The following NRXN1 variants were observed in gnomAD, a reference collection of about 807,000 sequenced individuals.
NRXN1 encodes neurexin 1.
A neutral mutation model predicts 150.9 loss-of-function variants in NRXN1; 39 were observed. The observed-to-expected ratio is 0.26, with a 90% confidence interval of 0.20 to 0.34. NRXN1 has a LOEUF of 0.34. Ranked by LOEUF, NRXN1 falls within the 10% of genes least tolerant of loss-of-function variation. NRXN1 has a pLI of 1.00. For missense variants in NRXN1, 1,815 were observed against 1,949.9 expected, an observed-to-expected ratio of 0.93 and a Z score of 1.30; for synonymous variants, 924 against 757.0, an observed-to-expected ratio of 1.22 and a Z score of -3.62.
At chr2:50,513,216 C>G (rs2092519629) in intron 12 of NRXN1, among the ~76,000 whole-genome samples, 1 of 152,090 alleles carries the variant, frequency 6.6e-6, no homozygotes, top group Non-Finnish European at 1.5e-5. Context: ...TCCTTTCTCT[C>G]CTTTTTATGG....
intron 5 of NRXN1, among the ~76,000 whole-genome samples, chr2:50,674,112 T>G (rs1689228390): frequency 1.3e-5 from 2 of 151,974 alleles, no homozygotes; most frequent in African/African-American, 4.8e-5. Context: ...AAAAGGAAAG[T>G]AACTCATTAA....
intron 5 of NRXN1, among the ~76,000 whole-genome samples, chr2:50,724,006 G>A (rs1306130463): frequency 6.6e-6 from 1 of 152,184 alleles, no homozygotes; most frequent in Admixed American, 6.5e-5. Context: ...TTGTTTGGTA[G>A]ATGAATGGAG....
chr2:50,832,963 T>C (rs1213111787), intron 5 of NRXN1, among the ~76,000 whole-genome samples: 13 of 152,150 alleles, frequency 8.5e-5, no homozygotes, highest in Non-Finnish European at 2.9e-5. Flanking sequence ...AATTCTCAAA[T>C]GTCAACATTC....
chr2:50,089,778 C>A (rs572002065), intron 19 of NRXN1, among the ~76,000 whole-genome samples: 31 of 141,234 alleles, frequency 2.2e-4, no homozygotes, highest in African/African-American at 5.5e-4. Flanking sequence ...AAGAGTGAGA[C>A]CTTGCTTCAA....
intron 10 of NRXN1, among the ~76,000 whole-genome samples, chr2:50,535,652 T>G (rs1050949749): frequency 6.6e-6 from 1 of 152,198 alleles, no homozygotes; most frequent in African/African-American, 2.4e-5. Context: ...AAATTTAACT[T>G]TTATTCATTG....
At chr2:50,364,619 T>A (rs956394374) in intron 17 of NRXN1, among the ~76,000 whole-genome samples, 7 of 152,134 alleles carry the variant, frequency 4.6e-5, no homozygotes, top group Non-Finnish European at 1.0e-4. Context: ...ATCTTATCAG[T>A]CATGCACTTT....
At chr2:50,203,381 T>A (rs2062328628) in intron 18 of NRXN1, among the ~76,000 whole-genome samples, 1 of 152,164 alleles carries the variant, frequency 6.6e-6, no homozygotes, top group African/African-American at 2.4e-5. Flanking sequence ...CTTGAATGTG[T>A]TTCTGTTATT....
At chr2:50,001,772 A>T (rs918712254) in intron 21 of NRXN1, among the ~76,000 whole-genome samples, 5 of 152,132 alleles carry the variant, frequency 3.3e-5, no homozygotes, top group Admixed American at 3.3e-4. Flanking sequence ...CCTTAGACTG[A>T]TAAGTAATTT....
chr2:50,056,788 T>C (rs1257690195), intron 19 of NRXN1, among the ~76,000 whole-genome samples: 3 of 152,200 alleles, frequency 2.0e-5, no homozygotes, highest in Non-Finnish European at 4.4e-5. Context: ...TTGACATGTG[T>C]AATTTGAAAA....
chr2:50,666,176 T>G (rs774492538), intron 5 of NRXN1, among the ~76,000 whole-genome samples: 41 of 151,954 alleles, frequency 2.7e-4, no homozygotes, highest in Non-Finnish European at 7.4e-5. Flanking sequence ...TTTGCCTGGT[T>G]TCTGTCACTC....
At chr2:50,091,773 C>T (rs1699618196) in intron 18 of NRXN1, among the ~76,000 whole-genome samples, 1 of 152,208 alleles carries the variant, frequency 6.6e-6, no homozygotes, top group Non-Finnish European at 1.5e-5. Flanking sequence ...CGCACAGCTG[C>T]CTGCACAAAG....
chr2:50,975,996 T>C (rs1695760008), intron 2 of NRXN1, among the ~76,000 whole-genome samples: 3 of 151,998 alleles, frequency 2.0e-5, no homozygotes. Flanking sequence ...TTTACATATA[T>C]ATTTTTTATA....
intron 21 of NRXN1, among the ~76,000 whole-genome samples, chr2:49,977,835 T>C (rs1020165710): frequency 1.3e-5 from 2 of 152,202 alleles, no homozygotes; most frequent in Non-Finnish European, 2.9e-5. Flanking sequence ...ACTTGAAGTC[T>C]TTATTGCTCT....
intron 5 of NRXN1, among the ~76,000 whole-genome samples, chr2:50,773,694 C>G (rs550850878): frequency 1.9e-4 from 29 of 152,132 alleles, no homozygotes; most frequent in Non-Finnish European, 3.4e-4. Context: ...TGTTTTTTGA[C>G]CTCAAAATCC....
intron 5 of NRXN1, among the ~76,000 whole-genome samples, chr2:50,801,240 A>G (rs1707542523): frequency 6.6e-6 from 1 of 152,134 alleles, no homozygotes; most frequent in South Asian, 2.1e-4. Flanking sequence ...ATTTCTACAA[A>G]ACTCAATTTT....
chr2:50,014,513 A>T (rs1213915520), intron 21 of NRXN1, among the ~76,000 whole-genome samples: 1 of 152,118 alleles, frequency 6.6e-6, no homozygotes, highest in Non-Finnish European at 1.5e-5. Context: ...ACACCAAAAC[A>T]TCCCCACACA....
chr2:50,450,872 AC>A (rs1330839455), intron 17 of NRXN1, among the ~76,000 whole-genome samples: 4 of 152,160 alleles, frequency 2.6e-5, no homozygotes, highest in African/African-American at 9.7e-5. Context: ...AGGAGAGATA[AC>A]CTCATGAAAA....
chr2:50,352,198 T>A (rs1247960328), intron 17 of NRXN1, among the ~76,000 whole-genome samples: 1 of 152,094 alleles, frequency 6.6e-6, no homozygotes, highest in African/African-American at 2.4e-5. Flanking sequence ...GATTTGAAAG[T>A]TGAGAGGAAA....
chr2:50,867,868 T>G (rs922373819), intron 5 of NRXN1, among the ~76,000 whole-genome samples: 5 of 151,708 alleles, frequency 3.3e-5, no homozygotes, highest in Non-Finnish European at 5.9e-5. Flanking sequence ...AGGGGATACA[T>G]TCATATCCTA....
Sources: gnomAD v4.1 joint callset for allele counts (sites outside exome capture counted in the v4.1 genomes callset) on GRCh38, gnomAD v4.1.1 for gene constraint, MANE v1.5 for transcripts, NCBI Gene and HGNC (gene_info 2026-07-23, HGNC 2026-07-21) for gene names.